Variants in TTN observed in about 807,000 individuals in gnomAD.
The protein encoded by TTN is connectin.
A neutral mutation model predicts 3,223.0 loss-of-function variants in TTN; 1,525 were observed. The observed-to-expected ratio is 0.47, with a 90% CI of 0.45 to 0.49. TTN has a LOEUF of 0.49. TTN is among the 20% of genes least tolerant of loss of function. The pLI, the probability that TTN is intolerant of heterozygous loss-of-function variation, is 0.00. For synonymous variants in TTN, 14,094 were observed against 15,161.0 expected (o/e 0.93, Z 5.17); for missense variants, 40,786 against 43,424.0 (o/e 0.94, Z 5.40).
In TTN at chr2:178,560,553, C is replaced by T. The variant is rs1703237348; in HGVS notation, c.85579G>A (p.Gly28527Ser). The change falls in exon 326 of 363, where the codon GGT becomes AGT. Residue 28527 changes from glycine (G) to serine (S), a missense_variant. Transcript: ENST00000589042. ...TCACCAACACCATATTTATTAACACCAGTTACTCTAAATATATATTCATTG... is the reference window on the plus strand; with the variant it reads ...TCACCAACACCATATTTATTAACACTAGTTACTCTAAATATATATTCATTG... ...KGNEYIFRVT[G>S]VNKYGVGEPL... 6.2e-7 allele frequency: 1 copy of T among 1,613,150 alleles called. No homozygotes were observed. The highest frequency in any genetic ancestry group is 1.7e-5 in the Admixed American group (1 of 59,930).
intron 167 of TTN, 44 bp downstream of exon 167, chr2:178,664,610 G>A (rs1167641036): frequency 1.9e-6 from 3 of 1,606,998 alleles, no homozygotes; most frequent in Non-Finnish European, 2.6e-6. Context: ...ATTTATACAA[G>A]AAAAGACATG....
In TTN at chr2:178,725,875, G is replaced by T. The variant is rs1203777125; in HGVS notation, c.20447C>A (p.Thr6816Lys). ...KYKIASKNFH[T>K]SIHILNVDTS... ...GTCCACATTGAGAATGTGAATACTT[G>T]TGTGGAAGTTTTTGGATGCAATCTT... Residue 6816 changes from threonine to lysine, a missense_variant, in exon 70 of 363, where the codon ACA becomes AAA. Thr to Lys is a moderately conservative substitution (Grantham distance 78, BLOSUM62 -1). Coordinates refer to ENST00000589042, the MANE Select transcript of TTN (RefSeq NM_001267550.2). The T allele has an allele frequency of 1.9e-6, 3 of 1,613,222 alleles. No individual in the cohort carries two copies. The East Asian group carries it at 6.7e-5, about 36-fold the overall frequency.
At chr2:178,629,221 C>T (rs2059468269) in intron 240 of TTN, 80 bp downstream of exon 240, 1 of 1,508,456 alleles carries the variant, frequency 6.6e-7, no homozygotes, top group African/African-American at 1.4e-5. Flanking sequence ...TTAGAAAGAG[C>T]AAAGAATAAG....
chr2:178,549,843 T>A lies in TTN; in HGVS notation c.91879A>T (p.Ile30627Leu). 1.3e-6 allele frequency: 2 copies of A among 1,581,464 alleles called. No individual in the cohort carries two copies. Among genetic ancestry groups the A allele is most frequent in the Admixed American group, 1.8e-5 (1 of 55,216 alleles). The part of the protein sequence containing the change: ...QDTPGKVVGP[I>L]RFTNITGEKM... Reference sequence around the variant, plus strand: ...TCCCCAGTAATATTGGTGAATCTTATTGGCCCAACTACTTTTCCTGGTGTA... The same window carrying A: ...TCCCCAGTAATATTGGTGAATCTTAATGGCCCAACTACTTTTCCTGGTGTA... Residue 30627 changes from isoleucine (I) to leucine (L), a missense_variant, in exon 338 of 363, where the codon ATA (isoleucine) becomes TTA (leucine). Coordinates refer to ENST00000589042, the MANE Select transcript of TTN (RefSeq NM_001267550.2).
At position 178,528,094 on chromosome 2, in the gene TTN, C is replaced by A. The variant is rs960520851; in HGVS notation, c.107377+180G>T. On this transcript the variant is annotated intron_variant, in intron 361 of 362. Transcript: ENST00000589042. ...GCTTTACTTTGAAATGTAATCTATC[C>A]AAGTTTCTGTGTAGCTATAAAGAAA... 7 of 692,286 alleles carry A rather than the reference C, an allele frequency of 1.0e-5. No homozygotes were observed. In the African/African-American group the frequency reaches 1.1e-4, roughly 11 times the overall value. 42.9% of individuals were successfully genotyped at this position (692,286 alleles called of 1,614,324 possible).
rs752650483 is a variant in TTN, at chr2:178,560,407, C to A, written c.85725G>T (p.Glu28575Asp). 6.2e-7 allele frequency: 1 copy of A among 1,613,694 alleles called. No individual in the cohort carries two copies. Residue 28575 changes from glutamate to aspartate, a missense_variant, in exon 326 of 363, where the codon GAG (glutamate) becomes GAT (aspartate). Glu to Asp is a conservative substitution (Grantham distance 45). Transcript: ENST00000589042. ...CAGATATTTCACTACCTCCATCACT[C>A]TCGGGTCTTGACCAGCAAAGTGTCA... ...ESMTLCWSRP[E>D]SDGGSEISGY...
chr2:178,642,353 T>G, intron 218 of TTN, 36 bp from the exon 219 acceptor site: 1 of 1,533,874 alleles, frequency 6.5e-7, no homozygotes, highest in Non-Finnish European at 8.8e-7. Flanking sequence ...TGAAGTGAAT[T>G]TATATAAAAA....
chr2:178,686,266 G>T (rs1577408272), intron 127 of TTN, among the ~76,000 whole-genome samples: 1 of 147,904 alleles, frequency 6.8e-6, no homozygotes, highest in Non-Finnish European at 1.5e-5. Context: ...GACTACAGGC[G>T]CCCGCCACTA....
intron 47 of TTN, chr2:178,752,046 A>C: frequency 1.5e-6 from 2 of 1,363,408 alleles, no homozygotes; most frequent in South Asian, 2.8e-5. Context: ...AATTCTGGAA[A>C]AAAAAAAAAA....
rs571084450 is a variant in TTN, at chr2:178,535,170, G to C, written c.101445C>G (p.Leu33815=). Residue 33815 remains leucine, a synonymous_variant, in exon 358 of 363, where the codon CTC becomes CTG. Coordinates refer to ENST00000589042, the MANE Select transcript of TTN (RefSeq NM_001267550.2). ...CTTCAGCAATCATATATTTCTCATA[G>C]AGTTCCTTGGTTGAAGAGTGAGATG... ...TKASHSSTKE[L]YEKYMIAEDL... 20 of 1,613,850 alleles carry C rather than the reference G, an allele frequency of 1.2e-5. No individual in the cohort carries two copies. The South Asian group carries it at 1.6e-4, about 13-fold the overall frequency.
In TTN at chr2:178,548,942, C is replaced by T. The variant is rs200141081; in HGVS notation, c.92684G>A (p.Arg30895Gln). 306 of 1,613,776 alleles carry T rather than the reference C, an allele frequency of 1.9e-4. No individual in the cohort carries two copies. The highest frequency in any genetic ancestry group is 2.3e-4 in the Non-Finnish European group (277 of 1,179,840). The part of the protein sequence containing the change: ...DLQAGEEYKF[R>Q]VSAINGAGKG... ...TCCAGCACCATTGATAGCACTAACT[C>T]GGAATTTGTATTCTTCACCTGCTTG... Residue 30895 changes from arginine (R) to glutamine (Q), a missense_variant, in exon 339 of 363, where the codon CGA (arginine) becomes CAA (glutamine). By Grantham distance (43) the Arg-to-Gln change is conservative. Transcript: ENST00000589042. The surrounding 1 kb of genome is among the most constrained non-coding windows in gnomAD (Gnocchi z 4.3).
chr2:178,583,275 T>G, intron 312 of TTN, 48 bp from the exon 313 acceptor site: 1 of 1,428,356 alleles, frequency 7.0e-7, no homozygotes, highest in Non-Finnish European at 9.3e-7. Flanking sequence ...AGCTATATTA[T>G]GTAATCCTTA....
Position 178,559,722 on chromosome 2 carries a change from T to C in TTN, c.86410A>G (p.Thr28804Ala), listed in dbSNP as rs879038909. Residue 28804 changes from threonine (T) to alanine (A), a missense_variant, in exon 326 of 363, where the codon ACA (threonine) becomes GCA (alanine). Coordinates refer to ENST00000589042, the MANE Select transcript of TTN (RefSeq NM_001267550.2). Reference sequence around the variant, plus strand: ...ATGGTCAGTGATGTACGAGAGTCTGTGGTATCAACATAAGCTCTAGTACGG... The same window carrying C: ...ATGGTCAGTGATGTACGAGAGTCTGCGGTATCAACATAAGCTCTAGTACGG... Reference protein sequence around the residue: ...DLRTRAYVDTTDSRTSLTIEN... With the variant: ...DLRTRAYVDTADSRTSLTIEN... The C allele has an allele frequency of 1.2e-6, 2 of 1,601,486 alleles. No homozygotes were observed. Among genetic ancestry groups the C allele is most frequent in the African/African-American group, 2.7e-5 (2 of 74,748 alleles).
chr2:178,714,720 T>A, intron 90 of TTN, 147 bp from the exon 91 acceptor site: 1 of 1,000,110 alleles, frequency 1.0e-6, no homozygotes, highest in Non-Finnish European at 1.4e-6. Flanking sequence ...AGGGACACAT[T>A]AAAGTTTGTA....
In TTN at chr2:178,694,826, T is replaced by A. The variant is rs752670521; in HGVS notation, c.31348+3A>T. 1 of 1,555,230 alleles carries A rather than the reference T, an allele frequency of 6.4e-7. No individual in the cohort carries two copies. The highest frequency in any genetic ancestry group is 8.7e-7 in the Non-Finnish European group (1 of 1,147,300). On this transcript the variant is annotated splice_donor_region_variant and intron_variant, in intron 116 of 362. Coordinates refer to ENST00000589042, the MANE Select transcript of TTN (RefSeq NM_001267550.2). The stretch of plus-strand genomic sequence containing the variant: ...TGGGTGCTAGGAATGTTTTAAATAA[T>A]ACCTTTGGTGACTTGAACTTTTTCT...
chr2:178,792,239 C>G, intron 9 of TTN, 42 bp from the exon 10 acceptor site: 1 of 1,569,858 alleles, frequency 6.4e-7, no homozygotes, highest in Non-Finnish European at 8.6e-7. Flanking sequence ...TTCCTGATGC[C>G]CAATGAAATA....
Position 178,775,802 on chromosome 2 carries a change from C to G in TTN, c.6062G>C (p.Arg2021Pro). Residue 2021 changes from arginine (R) to proline (P), a missense_variant, in exon 28 of 363, where the codon CGA becomes CCA. Coordinates refer to ENST00000589042, the MANE Select transcript of TTN (RefSeq NM_001267550.2). ...EAITAVELKS[R>P]KKDESYEELL... ...TTCCTCATAGGATTCATCCTTCTTT[C>G]GAGACTTGAGCTCCACAGCGGTAAT... 6.2e-7 allele frequency: 1 copy of G among 1,613,574 alleles called. No individual in the cohort carries two copies. The highest frequency in any genetic ancestry group is 8.5e-7 in the Non-Finnish European group (1 of 1,179,860).
Position 178,741,478 on chromosome 2 carries a change from T to G in TTN, c.11755A>C (p.Thr3919Pro). 6.2e-7 allele frequency: 1 copy of G among 1,613,932 alleles called. No individual in the cohort carries two copies. Among genetic ancestry groups the G allele is most frequent in the Non-Finnish European group, 8.5e-7 (1 of 1,179,842 alleles). Residue 3919 changes from threonine (T) to proline (P), a missense_variant, in exon 48 of 363, where the codon ACT (threonine) becomes CCT (proline). By Grantham distance (38) the Thr-to-Pro change is conservative (BLOSUM62 -1). Transcript: ENST00000589042. ...INSKGEGHKD[T>P]ETESAVAKSL... Reference sequence around the variant, plus strand: ...TTTGCCACTGCTGATTCTGTTTCAGTGTCTTTGTGACCCTCTCCTTTGGAA... The same window carrying G: ...TTTGCCACTGCTGATTCTGTTTCAGGGTCTTTGTGACCCTCTCCTTTGGAA...
At chr2:178,751,936 A>G (rs1004320858) in intron 47 of TTN, 16 of 1,589,038 alleles carry the variant, frequency 1.0e-5, no homozygotes, top group African/African-American at 2.7e-5. Context: ...TTCTACTTGC[A>G]TATCTTTTAG....
Sources: allele counts gnomAD v4.1 joint callset (sites outside exome capture counted in the v4.1 genomes callset), GRCh38; gene constraint gnomAD v4.1.1; non-coding constraint Gnocchi (gnomAD v3.1); transcripts MANE v1.5; gene names NCBI Gene and HGNC (gene_info 2026-07-23, HGNC 2026-07-21).